Variants in AFG2A observed in about 807,000 individuals in gnomAD.
The protein encoded by AFG2A is AAA ATPase AFG2A.
At chr4:123,269,010 G>C in the AFG2A span, among the ~76,000 whole-genome samples, 2 of 152,128 alleles carry the variant, frequency 1.3e-5, no homozygotes, top group East Asian at 3.9e-4. Context: ...GCCACACTGG[G>C]AATTATAAAA....
the AFG2A span, among the ~76,000 whole-genome samples, chr4:123,044,055 G>A: frequency 1.3e-5 from 2 of 152,136 alleles, no homozygotes; most frequent in South Asian, 2.1e-4. Context: ...TTCAAGATCT[G>A]TAGAGCTGTG....
At chr4:123,162,847 T>C in the AFG2A span, among the ~76,000 whole-genome samples, 1 of 152,204 alleles carries the variant, frequency 6.6e-6, no homozygotes, top group Non-Finnish European at 1.5e-5. Flanking sequence ...TTTAATCATC[T>C]ATAAAACAAG....
chr4:123,297,703 A>T, the AFG2A span, among the ~76,000 whole-genome samples: 1 of 147,188 alleles, frequency 6.8e-6, no homozygotes, highest in Non-Finnish European at 1.5e-5. Context: ...TGGGGGACAG[A>T]GTGAGACTCC....
the AFG2A span, among the ~76,000 whole-genome samples, chr4:123,257,676 T>A: frequency 6.6e-6 from 1 of 152,206 alleles, no homozygotes; most frequent in East Asian, 1.9e-4. Flanking sequence ...CCAACATTTC[T>A]AGAATTCAGT....
At chr4:123,223,781 G>A in the AFG2A span, among the ~76,000 whole-genome samples, 1 of 152,264 alleles carries the variant, frequency 6.6e-6, no homozygotes, top group Non-Finnish European at 1.5e-5. Flanking sequence ...TTTTTAAATT[G>A]AGTTGTAGGG....
At chr4:123,098,505 C>A in the AFG2A span, among the ~76,000 whole-genome samples, 1 of 151,922 alleles carries the variant, frequency 6.6e-6, no homozygotes, top group South Asian at 2.1e-4. Context: ...TATCCTTTGA[C>A]CAATATCTTC....
chr4:123,197,577 G>A, the AFG2A span, among the ~76,000 whole-genome samples: 2 of 151,952 alleles, frequency 1.3e-5, no homozygotes, highest in Non-Finnish European at 2.9e-5. Context: ...AGACCAGCCT[G>A]GCCAACGTAG....
At chr4:123,092,037 C>T in the AFG2A span, among the ~76,000 whole-genome samples, 1 of 152,154 alleles carries the variant, frequency 6.6e-6, no homozygotes, top group East Asian at 1.9e-4. Flanking sequence ...TGATAAAGAT[C>T]CTTTGGTAAA....
chr4:122,962,224 G>GCT, the AFG2A span, among the ~76,000 whole-genome samples: 1 of 152,166 alleles, frequency 6.6e-6, no homozygotes, highest in African/African-American at 2.4e-5. Flanking sequence ...TTCCTAATAG[G>GCT]CTAGTACCAG....
the AFG2A span, among the ~76,000 whole-genome samples, chr4:123,196,196 G>T: frequency 3.8e-5 from 2 of 53,292 alleles, no homozygotes; most frequent in South Asian, 9.3e-4. Context: ...TTTTTAGTAG[G>T]GATGGAGTTT....
chr4:123,295,948 T>C, the AFG2A span, among the ~76,000 whole-genome samples: 1 of 152,146 alleles, frequency 6.6e-6, no homozygotes, highest in African/African-American at 2.4e-5. Context: ...AAAGCGTGAA[T>C]ACTATGCTAA....
chr4:123,039,994 T>G, the AFG2A span, among the ~76,000 whole-genome samples: 5 of 152,136 alleles, frequency 3.3e-5, no homozygotes, highest in African/African-American at 1.2e-4. Flanking sequence ...ATTTATTTAC[T>G]CATTTTTATG....
At chr4:123,227,694 T>C in the AFG2A span, among the ~76,000 whole-genome samples, 1 of 152,200 alleles carries the variant, frequency 6.6e-6, no homozygotes, top group Non-Finnish European at 1.5e-5. Flanking sequence ...TCGGTTGATT[T>C]GAGGTGGAGA....
At chr4:123,228,501 C>G in the AFG2A span, among the ~76,000 whole-genome samples, 6 of 151,764 alleles carry the variant, frequency 4.0e-5, no homozygotes, top group African/African-American at 1.2e-4. Flanking sequence ...AAGCAGAACA[C>G]AAGGAAATGA....
chr4:122,997,465 C>T, the AFG2A span, among the ~76,000 whole-genome samples: 1,758 of 152,198 alleles, frequency 0.012, 14 homozygotes, highest in Middle Eastern at 0.078. Context: ...CAGCATGTAT[C>T]AGTATTTAAT....
At chr4:123,245,016 A>G in the AFG2A span, among the ~76,000 whole-genome samples, 1 of 152,244 alleles carries the variant, frequency 6.6e-6, no homozygotes, top group African/African-American at 2.4e-5. Flanking sequence ...TTCTTTGTAT[A>G]GAAATGATTT....
chr4:123,046,831 C>T, the AFG2A span, among the ~76,000 whole-genome samples: 76 of 152,096 alleles, frequency 5.0e-4, 1 homozygote, highest in Non-Finnish European at 8.4e-4. Flanking sequence ...CACCATTCTA[C>T]GCTTTACCAC....
chr4:123,244,465 A>G, the AFG2A span, among the ~76,000 whole-genome samples: 4 of 152,118 alleles, frequency 2.6e-5, no homozygotes, highest in Non-Finnish European at 1.5e-5. Flanking sequence ...CTGCATCACC[A>G]CTCGGCGTCA....
At chr4:123,154,640 T>C in the AFG2A span, among the ~76,000 whole-genome samples, 6 of 152,222 alleles carry the variant, frequency 3.9e-5, no homozygotes. Context: ...TGTCAGTTAG[T>C]AGCTGTGTAA....
Sources: gnomAD v4.1 joint callset for allele counts (sites outside exome capture counted in the v4.1 genomes callset) on GRCh38, gnomAD v4.1.1 for gene constraint, MANE v1.5 for transcripts, NCBI Gene and HGNC (gene_info 2026-07-23, HGNC 2026-07-21) for gene names.